NLK: variants seen among roughly 807,000 people sequenced by gnomAD.
NLK encodes the protein nemo like kinase, also known as serine/threonine-protein kinase NLK.
In NLK, 11 loss-of-function variants were observed where a neutral mutation model predicts 59.0. The ratio of observed to expected loss-of-function variants is 0.19; its 90% CI spans 0.12 to 0.31. The LOEUF is 0.31. Ranked by LOEUF, NLK falls within the 10% of genes least tolerant of loss-of-function variation. The pLI is 1.00. For synonymous variants in NLK, 235 were observed against 235.9 expected (o/e 1.00, Z 0.03); for missense variants, 410 against 661.1 (o/e 0.62, Z 4.16).
intron 1 of NLK, among the ~76,000 whole-genome samples, chr17:28,110,027 A>G (rs888126758): frequency 3.3e-5 from 5 of 152,200 alleles, no homozygotes; most frequent in Non-Finnish European, 5.9e-5. Context: ...AACACCATTG[A>G]GTTTTCTAAT....
intron 1 of NLK, among the ~76,000 whole-genome samples, chr17:28,117,621 A>G (rs1905837772): frequency 6.6e-6 from 1 of 152,226 alleles, no homozygotes; most frequent in Non-Finnish European, 1.5e-5. Context: ...GATATGAAGA[A>G]AAGAATGAAC....
At chr17:28,125,775 A>G (rs765196868) in intron 2 of NLK, among the ~76,000 whole-genome samples, 4 of 152,214 alleles carry the variant, frequency 2.6e-5, no homozygotes, top group Admixed American at 6.5e-5. Flanking sequence ...GTGCGGTGCT[A>G]GGTCATGTGG....
At chr17:28,190,798 T>C in intron 8 of NLK, 1 of 440,136 alleles carries the variant, frequency 2.3e-6, no homozygotes, top group Non-Finnish European at 4.0e-6. Flanking sequence ...AAGGCACTTC[T>C]AAGTACTTTG....
rs1227487275 is a variant in NLK, at chr17:28,042,839, C to T, written c.-35C>T. On this transcript the variant is annotated 5_prime_UTR_variant, in exon 1 of 11. Coordinates refer to ENST00000407008, the MANE Select transcript of NLK (RefSeq NM_016231.5). ...TAAATGGCCAAATGACAGCTTGACC[C>T]AGTTTGCTTTCCAATCAAAGGGCAT... 2 of 1,464,214 alleles carry T rather than the reference C, an allele frequency of 1.4e-6. No individual in the cohort carries two copies. Among genetic ancestry groups the T allele is most frequent in the South Asian group, 1.4e-5 (1 of 70,316 alleles). The allele number at this position is 1,464,214 out of a possible 1,614,324, so 90.7% of individuals were successfully genotyped here. A position where few individuals can be genotyped will look rare whatever the true frequency, so the allele number is the denominator to read the frequency against.
At chr17:28,081,771 C>T (rs935566053) in intron 1 of NLK, among the ~76,000 whole-genome samples, 1 of 152,204 alleles carries the variant, frequency 6.6e-6, no homozygotes, top group Non-Finnish European at 1.5e-5. Context: ...AATTCCCTGT[C>T]CCTAAGAAAA....
intron 1 of NLK, among the ~76,000 whole-genome samples, chr17:28,104,009 T>A (rs775832129): frequency 6.6e-6 from 1 of 152,234 alleles, no homozygotes; most frequent in Non-Finnish European, 1.5e-5. Context: ...TTGCCTGATA[T>A]TCATTTTATT....
rs35506423 is a variant in NLK, at chr17:28,169,770, A to G, written c.1047+1113A>G. Among the ~76,000 whole-genome samples, 805 of 124,776 alleles carry G rather than the reference A, an allele frequency of 6.5e-3. 5 individuals carry two copies. Among genetic ancestry groups the G allele is most frequent in the African/African-American group, 0.024 (757 of 31,920 alleles). 81.9% of individuals were successfully genotyped at this position (124,776 alleles called of 152,430 possible). A position where few individuals can be genotyped will look rare whatever the true frequency, so the allele number is the denominator to read the frequency against. On this transcript the variant is annotated intron_variant, in intron 6 of 10. Transcript: ENST00000407008. Reference sequence around the variant, plus strand: ...CTAAAACTGTTCTGAGGATTGTTGTACAATGAAGTAGGAAAGCTGAAAACG... The same window carrying G: ...CTAAAACTGTTCTGAGGATTGTTGTGCAATGAAGTAGGAAAGCTGAAAACG...
intron 7 of NLK, among the ~76,000 whole-genome samples, chr17:28,182,861 A>G (rs1449047287): frequency 6.6e-6 from 1 of 152,332 alleles, no homozygotes; most frequent in Admixed American, 6.5e-5. Context: ...GGCTTTTTAA[A>G]TTGTTTTTCA....
chr17:28,059,895 T>C (rs1248170662), intron 1 of NLK, among the ~76,000 whole-genome samples: 2 of 152,214 alleles, frequency 1.3e-5, no homozygotes, highest in African/African-American at 4.8e-5. Context: ...ACAGATAAAA[T>C]AGGTGTTAGA....
intron 1 of NLK, among the ~76,000 whole-genome samples, chr17:28,058,273 T>C (rs746804076): frequency 4.6e-5 from 7 of 152,200 alleles, no homozygotes; most frequent in Non-Finnish European, 8.8e-5. Context: ...AGACATTAAA[T>C]AGGGACACCG....
intron 1 of NLK, among the ~76,000 whole-genome samples, chr17:28,052,888 GTTTT>G (rs768444319): frequency 1.8e-5 from 2 of 112,516 alleles, no homozygotes; most frequent in Non-Finnish European, 1.9e-5. Context: ...GATCTCTGGT[GTTTT>G]TTTTTTTTTT....
chr17:28,166,837 T>A (rs1908258546), intron 5 of NLK, among the ~76,000 whole-genome samples: 1 of 152,254 alleles, frequency 6.6e-6, no homozygotes, highest in African/African-American at 2.4e-5. Context: ...TAACCTGTCT[T>A]TATTATTTAT....
At position 28,089,465 on chromosome 17, in the gene NLK, GT is replaced by G. The variant is rs971010867; in HGVS notation, c.459-33127del. Among the ~76,000 whole-genome samples, 474 of 137,066 alleles carry G rather than the reference GT, an allele frequency of 3.5e-3. 2 individuals are homozygous for G. The highest frequency in any genetic ancestry group is 0.011 in the African/African-American group (414 of 37,580). 89.9% of individuals were successfully genotyped at this position (137,066 alleles called of 152,430 possible). ...TGTAGAGATATACTATAGTTTTGTTGTTTTTTTTTTTCATTCACTTACTGAT... is the reference window on the plus strand; with the variant it reads ...TGTAGAGATATACTATAGTTTTGTTGTTTTTTTTTTCATTCACTTACTGAT... On this transcript the variant is annotated intron_variant, in intron 1 of 10. Transcript: ENST00000407008.
chr17:28,168,396 A>G (rs961345367), intron 5 of NLK, 52 bp from the exon 6 acceptor site: 37 of 1,336,148 alleles, frequency 2.8e-5, no homozygotes, highest in Non-Finnish European at 3.7e-5. Context: ...GTTTTGTTTT[A>G]CTCTTTCATT....
the NLK span, among the ~76,000 whole-genome samples, chr17:28,203,972 G>A: frequency 2.6e-5 from 4 of 152,214 alleles, no homozygotes; most frequent in South Asian, 2.1e-4. Context: ...TTCTTCCCTC[G>A]TTTCCCCGCT....
rs959478611 is a variant in NLK, at chr17:28,191,162, A to G, written c.1378A>G (p.Asn460Asp). Reference sequence around the variant, plus strand: ...TACCAGTGACTTTGAGCCTGTCACCAATCCCAAATTTGATGACACTTTCGA... The same window carrying G: ...TACCAGTGACTTTGAGCCTGTCACCGATCCCAAATTTGATGACACTTTCGA... ...VYTSDFEPVT[N>D]PKFDDTFEKN... Residue 460 changes from asparagine to aspartate, a missense_variant, in exon 9 of 11, where the codon AAT (asparagine) becomes GAT (aspartate). Physicochemically the swap from Asn to Asp is conservative, Grantham distance 23. Transcript: ENST00000407008. 6 of 1,613,402 alleles carry G rather than the reference A, an allele frequency of 3.7e-6. No homozygotes were observed. In the African/African-American group the frequency reaches 6.7e-5, roughly 18 times the overall value.
intron 1 of NLK, among the ~76,000 whole-genome samples, chr17:28,092,747 TTTTTATTTTATTTTA>T (rs527686804): frequency 0.019 from 2,642 of 139,380 alleles, 61 homozygotes; most frequent in African/African-American, 0.045. Flanking sequence ...AAGTGGCTTG[TTTTTATTTTATTTTA>T]TTTTATTTTA....
At chr17:28,128,329 T>C (rs1450293982) in intron 2 of NLK, among the ~76,000 whole-genome samples, 1 of 152,160 alleles carries the variant, frequency 6.6e-6, no homozygotes, top group Non-Finnish European at 1.5e-5. Context: ...AAGACAGACC[T>C]CAAACATATA....
At chr17:28,105,197 A>G (rs139884504) in intron 1 of NLK, among the ~76,000 whole-genome samples, 2 of 152,202 alleles carry the variant, frequency 1.3e-5, no homozygotes, top group African/African-American at 4.8e-5. Flanking sequence ...GGGAAAGGAA[A>G]CAGGGACCTT....
Sources: gnomAD v4.1 joint callset for allele counts (sites outside exome capture counted in the v4.1 genomes callset) on GRCh38, gnomAD v4.1.1 for gene constraint, MANE v1.5 for transcripts, NCBI Gene and HGNC (gene_info 2026-07-23, HGNC 2026-07-21) for gene names.